The following KCNIP4 variants were observed in gnomAD, a reference collection of about 807,000 sequenced individuals.
The protein encoded by KCNIP4 is potassium voltage-gated channel interacting protein 4.
Under a neutral mutation model 34.0 loss-of-function variants are expected in KCNIP4, and 12 were observed. The ratio of observed to expected loss-of-function variants is 0.35; its 90% CI spans 0.23 to 0.57. The LOEUF is 0.57. KCNIP4 is among the 20% of genes least tolerant of loss of function. The pLI, the probability that KCNIP4 is intolerant of heterozygous loss-of-function variation, is 0.83. For synonymous variants in KCNIP4, 124 were observed against 102.2 expected (o/e 1.21, Z -1.29); for missense variants, 238 against 311.7 (o/e 0.76, Z 1.78).
chr4:20,778,922 AT>A (rs573831086), intron 3 of KCNIP4, among the ~76,000 whole-genome samples: 2 of 152,142 alleles, frequency 1.3e-5, no homozygotes, highest in Non-Finnish European at 1.5e-5. Context: ...CTTCTAATGC[AT>A]TTTTTAAGGG....
intron 1 of KCNIP4, among the ~76,000 whole-genome samples, chr4:21,459,848 C>G (rs1729297612): frequency 1.3e-5 from 2 of 151,990 alleles, no homozygotes; most frequent in Non-Finnish European, 2.9e-5. Flanking sequence ...CAACCACTTT[C>G]ACCATCACCA....
intron 1 of KCNIP4, among the ~76,000 whole-genome samples, chr4:21,282,051 A>G (rs1200461391): frequency 2.6e-5 from 4 of 152,206 alleles, no homozygotes; most frequent in Non-Finnish European, 5.9e-5. Flanking sequence ...TGATCACTAA[A>G]AAGACATAAA....
At chr4:21,293,019 C>A (rs6448043) in intron 1 of KCNIP4, among the ~76,000 whole-genome samples, 16,296 of 152,186 alleles carry the variant, frequency 0.11, 1,024 homozygotes, top group South Asian at 0.17. Context: ...GGAGGACAAG[C>A]ATCAGGACAA....
intron 1 of KCNIP4, among the ~76,000 whole-genome samples, chr4:21,354,553 G>T (rs531704591): frequency 6.6e-6 from 1 of 152,220 alleles, no homozygotes; most frequent in East Asian, 1.9e-4. Flanking sequence ...GACAAAGAAG[G>T]CCATTAAATA....
At chr4:21,731,623 A>G (rs1715609734) in intron 1 of KCNIP4, among the ~76,000 whole-genome samples, 1 of 152,134 alleles carries the variant, frequency 6.6e-6, no homozygotes, top group African/African-American at 2.4e-5. Context: ...CTAAAGGCTT[A>G]AAATCTGAAA....
chr4:21,458,198 G>A (rs1359919614), intron 1 of KCNIP4, among the ~76,000 whole-genome samples: 2 of 134,224 alleles, frequency 1.5e-5, no homozygotes, highest in African/African-American at 5.7e-5. Flanking sequence ...CTGTGTCCAT[G>A]TGATCTCATT....
intron 3 of KCNIP4, among the ~76,000 whole-genome samples, chr4:20,768,065 A>G (rs1016794343): frequency 2.0e-5 from 3 of 152,216 alleles, no homozygotes; most frequent in African/African-American, 7.2e-5. Context: ...CAAAATTTAA[A>G]TGACACAATC....
rs147860305 is a variant in KCNIP4 at position 21,898,008 on chromosome 4, C to T, written c.61+50563G>A. On this transcript the variant is annotated intron_variant, in intron 1 of 8. Coordinates refer to ENST00000382152, the MANE Select transcript of KCNIP4 (RefSeq NM_025221.6). ...CTTTGCATTGAAATGCAGTGCTGCC[C>T]TGTCAGAGTGGAAAGCAGAACTCAG... Among the ~76,000 whole-genome samples, 1,255 of 152,202 alleles carry T rather than the reference C, an allele frequency of 8.2e-3. 17 individuals are homozygous for T. The highest frequency in any genetic ancestry group is 0.029 in the African/African-American group (1,184 of 41,520).
intron 1 of KCNIP4, among the ~76,000 whole-genome samples, chr4:21,377,419 A>T (rs1260418079): frequency 6.6e-6 from 1 of 152,230 alleles, no homozygotes; most frequent in East Asian, 1.9e-4. Flanking sequence ...TACTACAATG[A>T]ATCATGAAAG....
intron 1 of KCNIP4, among the ~76,000 whole-genome samples, chr4:21,812,172 AT>A (rs746391289): frequency 6.6e-5 from 10 of 152,238 alleles, no homozygotes; most frequent in Non-Finnish European, 1.2e-4. Flanking sequence ...TTTATTTTAG[AT>A]TATCATCATC....
At chr4:21,513,798 G>A (rs562550678) in intron 1 of KCNIP4, among the ~76,000 whole-genome samples, 3 of 152,240 alleles carry the variant, frequency 2.0e-5, no homozygotes, top group Non-Finnish European at 4.4e-5. Flanking sequence ...ACCACAAGAG[G>A]AATGAAAAGA....
intron 1 of KCNIP4, among the ~76,000 whole-genome samples, chr4:21,221,320 T>A (rs77013333): frequency 6.6e-6 from 1 of 152,122 alleles, no homozygotes; most frequent in Non-Finnish European, 1.5e-5. Flanking sequence ...ATTAATCCGT[T>A]TTCATACTGC....
intron 1 of KCNIP4, among the ~76,000 whole-genome samples, chr4:21,679,704 T>C (rs1401095182): frequency 6.6e-6 from 1 of 152,234 alleles, no homozygotes; most frequent in Non-Finnish European, 1.5e-5. Context: ...GGTTCCATTA[T>C]AGAACACAGC....
chr4:21,119,041 C>T (rs1006302469), intron 1 of KCNIP4, among the ~76,000 whole-genome samples: 12 of 152,108 alleles, frequency 7.9e-5, no homozygotes, highest in Non-Finnish European at 1.6e-4. Context: ...ATGCAATGAA[C>T]ATTCAAGCAG....
rs149642690 is a variant in KCNIP4 at position 20,908,636 on chromosome 4, A to G, written c.62-25927T>C. Reference sequence around the variant, plus strand: ...GAGAACAGGTCAGGCATTATTTTGCAACAGAGACCAGGTTCTAGTGACATC... The same window carrying G: ...GAGAACAGGTCAGGCATTATTTTGCGACAGAGACCAGGTTCTAGTGACATC... On this transcript the variant is annotated intron_variant, in intron 1 of 8. Coordinates refer to ENST00000382152, the MANE Select transcript of KCNIP4 (RefSeq NM_025221.6). Among the ~76,000 whole-genome samples, 37 of 152,304 alleles carry G rather than the reference A, an allele frequency of 2.4e-4. No homozygotes were observed. In the East Asian group the frequency reaches 6.8e-3, roughly 28 times the overall value.
rs970768615 is a variant in KCNIP4, at chr4:21,231,285, C to T, written c.62-348576G>A. Among the ~76,000 whole-genome samples, 9 of 152,136 alleles carry T rather than the reference C, an allele frequency of 5.9e-5. No homozygotes were observed. In the East Asian group the frequency reaches 1.5e-3, roughly 26 times the overall value. On this transcript the variant is annotated intron_variant, in intron 1 of 8. Transcript: ENST00000382152. ...GCAAAAAAATTAAGTAAATAACTAT[C>T]ATTTAAGTTAAAAATATTGTTTTAT...
intron 1 of KCNIP4, among the ~76,000 whole-genome samples, chr4:21,245,977 C>T (rs73802519): frequency 2.7e-3 from 418 of 152,054 alleles, no homozygotes; most frequent in African/African-American, 9.0e-3. Flanking sequence ...GGAAATATTC[C>T]GACATATGAC....
chr4:21,893,830 A>G (rs1727236142), intron 1 of KCNIP4, among the ~76,000 whole-genome samples: 1 of 152,148 alleles, frequency 6.6e-6, no homozygotes, highest in Non-Finnish European at 1.5e-5. Context: ...ATTGGCCAAC[A>G]TATAGTTTTG....
chr4:21,679,460 C>G (rs948794119), intron 1 of KCNIP4, among the ~76,000 whole-genome samples: 4 of 117,824 alleles, frequency 3.4e-5, no homozygotes, highest in African/African-American at 1.3e-4. Flanking sequence ...CTCTTATATC[C>G]CCTGCCTTTG....
Sources: allele counts gnomAD v4.1 joint callset (sites outside exome capture counted in the v4.1 genomes callset), GRCh38; gene constraint gnomAD v4.1.1; transcripts MANE v1.5; gene names NCBI Gene and HGNC (gene_info 2026-07-23, HGNC 2026-07-21).